Variants in FREM1 observed in about 807,000 individuals in gnomAD.
FREM1 encodes FRAS1-related extracellular matrix protein 1.
Under a neutral mutation model 210.1 loss-of-function variants are expected in FREM1, and 220 were observed. The observed-to-expected ratio is 1.05, with a 90% confidence interval of 0.94 to 1.17. FREM1 has a LOEUF of 1.17. Among genes scored for constraint, FREM1 ranks in the 50% most tolerant of loss-of-function variants. The probability of loss-of-function intolerance (pLI) is 0.00; values close to 1 mark genes in which losing one functional copy is unlikely to be tolerated. For synonymous variants in FREM1, 1,189 were observed against 980.2 expected, an observed-to-expected ratio of 1.21 and a Z score of -3.98; for missense variants, 3,454 against 2,675.5, an observed-to-expected ratio of 1.29 and a Z score of -6.42.
intron 1 of FREM1, among the ~76,000 whole-genome samples, chr9:14,878,397 C>T (rs1387493579): frequency 1.3e-5 from 2 of 152,100 alleles, no homozygotes; most frequent in African/African-American, 2.4e-5. Flanking sequence ...CCAGATATCC[C>T]TCCCTCCACC....
intron 1 of FREM1, among the ~76,000 whole-genome samples, chr9:14,878,574 A>T (rs7018670): frequency 0.01 from 1,570 of 152,228 alleles, 34 homozygotes; most frequent in African/African-American, 0.036. Context: ...TTGATCCTTT[A>T]TATTAGGTTG....
chr9:14,744,144 T>A (rs1248177653), intron 35 of FREM1, among the ~76,000 whole-genome samples: 4 of 152,150 alleles, frequency 2.6e-5, no homozygotes. Context: ...ACCTCTCTGG[T>A]GACTCTACTC....
chr9:14,823,092 C>A (rs1023768169), intron 13 of FREM1, 68 bp downstream of exon 13: 5 of 1,202,648 alleles, frequency 4.2e-6, no homozygotes, highest in Admixed American at 4.4e-5. Context: ...GTTACCATTT[C>A]TAGTAGGTCT....
At chr9:14,884,243 A>G (rs945783956) in intron 1 of FREM1, among the ~76,000 whole-genome samples, 9 of 152,120 alleles carry the variant, frequency 5.9e-5, no homozygotes, top group Admixed American at 6.5e-5. Context: ...AAGAAAAAAG[A>G]AAAAAAGAAA....
intron 19 of FREM1, 50 bp from the exon 20 acceptor site, chr9:14,801,924 T>C: frequency 7.3e-7 from 1 of 1,371,834 alleles, no homozygotes; most frequent in Non-Finnish European, 1.0e-6. Flanking sequence ...AGACAACTTG[T>C]CTTTCTTTGG....
In FREM1 at chr9:14,747,368, C is replaced by A. The variant is rs1324895680; in HGVS notation, c.5905G>T (p.Ala1969Ser). 1 of 1,613,578 alleles carries A rather than the reference C, an allele frequency of 6.2e-7. No homozygotes were observed. The highest frequency in any genetic ancestry group is 8.5e-7 in the Non-Finnish European group (1 of 1,179,730). The change falls in exon 33 of 37, where the codon GCC becomes TCC. Residue 1969 changes from alanine to serine, a missense_variant. By Grantham distance (99) the Ala-to-Ser change is moderately conservative (BLOSUM62 1). Transcript: ENST00000380880. ...DDSFPTHKRK[A>S]KVSIISQPQK... Reference sequence around the variant, plus strand: ...GGCTGACTAATGATGGATACTTTGGCCTTCCTTTTGTGAGTTGGGAAACTG... The same window carrying A: ...GGCTGACTAATGATGGATACTTTGGACTTCCTTTTGTGAGTTGGGAAACTG...
At position 14,794,005 on chromosome 9, in the gene FREM1, G is replaced by A. The variant is rs115461637; in HGVS notation, c.3840-1121C>T. ...AGTGGTCAGACAGATTAATCAAAACGGGAAGCCAATGTCATTAAGAAGATG... is the reference window on the plus strand; with the variant it reads ...AGTGGTCAGACAGATTAATCAAAACAGGAAGCCAATGTCATTAAGAAGATG... On this transcript the variant is annotated intron_variant, in intron 21 of 36. Transcript: ENST00000380880. 3.2e-3 allele frequency among the ~76,000 whole-genome samples: 491 copies of A among 152,314 alleles called. 3 individuals are homozygous for A. Among genetic ancestry groups the A allele is most frequent in the African/African-American group, 0.011 (472 of 41,574 alleles).
At chr9:14,772,698 A>C (rs1450633563) in intron 25 of FREM1, among the ~76,000 whole-genome samples, 2 of 152,168 alleles carry the variant, frequency 1.3e-5, no homozygotes, top group East Asian at 3.9e-4. Flanking sequence ...CAAAGCAATG[A>C]GATTGGGTAT....
At chr9:14,817,556 G>T (rs1458558938) in intron 14 of FREM1, among the ~76,000 whole-genome samples, 1 of 152,120 alleles carries the variant, frequency 6.6e-6, no homozygotes, top group Non-Finnish European at 1.5e-5. Context: ...CCAGCCCATT[G>T]CAGTGATGCT....
intron 24 of FREM1, among the ~76,000 whole-genome samples, chr9:14,778,146 G>C (rs1848942623): frequency 6.6e-6 from 1 of 151,976 alleles, no homozygotes; most frequent in South Asian, 2.1e-4. Context: ...TTGAATAAAG[G>C]TATTCAGTTA....
intron 1 of FREM1, among the ~76,000 whole-genome samples, chr9:14,909,210 T>A (rs1818312937): frequency 6.6e-6 from 1 of 152,008 alleles, no homozygotes; most frequent in African/African-American, 2.4e-5. Flanking sequence ...AATCAGAAAC[T>A]AAAATTAAAT....
chr9:14,810,311 A>G (rs1192262063), intron 16 of FREM1, among the ~76,000 whole-genome samples: 1 of 152,246 alleles, frequency 6.6e-6, no homozygotes, highest in African/African-American at 2.4e-5. Flanking sequence ...CATAGGATAT[A>G]TTTACAGAAA....
At position 14,910,212 on chromosome 9, in the gene FREM1, CCT is replaced by C. The variant is rs1818488772; in HGVS notation, c.-568_-567del. The C allele has an allele frequency of 6.6e-6, 1 of 152,336 alleles. No individual in the cohort carries two copies. Among genetic ancestry groups the C allele is most frequent in the Non-Finnish European group, 1.5e-5 (1 of 68,114 alleles). 9.4% of individuals were successfully genotyped at this position (152,336 alleles called of 1,614,324 possible). ...GCAGCTGCTGCAGCTTTGCAAACTT[CCT>C]GAGCGCCAAGCCTCAGGACTCCCTG... On this transcript the variant is annotated 5_prime_UTR_variant, in exon 1 of 37. The change abolishes the stop of an existing upstream ORF in the 5' untranslated region. Transcript: ENST00000380880.
intron 8 of FREM1, 58 bp from the exon 9 acceptor site, chr9:14,842,718 G>C: frequency 7.8e-7 from 1 of 1,276,566 alleles, no homozygotes; most frequent in East Asian, 2.3e-5. Context: ...AGCAGCAGCT[G>C]TGGGGAAAGC....
chr9:14,818,295 A>T (rs1820671691), intron 14 of FREM1, among the ~76,000 whole-genome samples: 1 of 152,178 alleles, frequency 6.6e-6, no homozygotes, highest in South Asian at 2.1e-4. Context: ...CTCAAAAAAC[A>T]TTTTTTTAAC....
chr9:14,784,338 G>A, intron 24 of FREM1, 32 bp downstream of exon 24: 1 of 1,596,490 alleles, frequency 6.3e-7, no homozygotes, highest in Non-Finnish European at 8.6e-7. Context: ...TTAATCCAAA[G>A]AAGGGGTTTG....
Position 14,806,851 on chromosome 9 carries a change from A to G in FREM1, c.3089-5T>C, listed in dbSNP as rs755468475. 2.6e-6 allele frequency: 4 copies of G among 1,567,356 alleles called. No individual in the cohort carries two copies. The highest frequency in any genetic ancestry group is 2.3e-5 in the East Asian group (1 of 44,276). On this transcript the variant is annotated splice_polypyrimidine_tract_variant and splice_region_variant and intron_variant, in intron 17 of 36. Coordinates refer to ENST00000380880, the MANE Select transcript of FREM1 (RefSeq NM_001379081.2). ...CATCTACAACAAACACGGGACCTGC[A>G]TACAAATAAAAACACAATTACAACT...
rs558015092 is a variant in FREM1 at position 14,908,333 on chromosome 9, C to T, written c.-268+1581G>A. Among the ~76,000 whole-genome samples the T allele has an allele frequency of 2.2e-4, 34 of 152,320 alleles. No individual in the cohort carries two copies. In the East Asian group the frequency reaches 2.5e-3, roughly 11 times the overall value. On this transcript the variant is annotated intron_variant, in intron 1 of 36. Transcript: ENST00000380880. ...AGCTCAGTTTACCCAAACTCAGCCT[C>T]GCCCAACCCCTACAGCCCAGCAGCC...
At chr9:14,876,238 G>A (rs1383207347) in intron 1 of FREM1, among the ~76,000 whole-genome samples, 2 of 152,200 alleles carry the variant, frequency 1.3e-5, no homozygotes, top group Non-Finnish European at 2.9e-5. Context: ...AGTCTGCAGA[G>A]GTTACTGCTG....
Sources: gnomAD v4.1 joint callset for allele counts (sites outside exome capture counted in the v4.1 genomes callset) on GRCh38, gnomAD v4.1.1 for gene constraint, MANE v1.5 for transcripts, NCBI Gene and HGNC (gene_info 2026-07-23, HGNC 2026-07-21) for gene names.